ARHGEF2: variants seen among roughly 807,000 people sequenced by gnomAD.
The protein encoded by ARHGEF2 is rho guanine nucleotide exchange factor 2.
Under a neutral mutation model 121.0 loss-of-function variants are expected in ARHGEF2, and 22 were observed. The observed-to-expected ratio is 0.18, with a 90% CI of 0.13 to 0.26. The LOEUF is 0.26. ARHGEF2 is among the 10% of genes least tolerant of loss of function. ARHGEF2 has a pLI of 1.00. For missense variants in ARHGEF2, 907 were observed against 1,336.0 expected (o/e 0.68, Z 5.01); for synonymous variants, 487 against 530.0 (o/e 0.92, Z 1.11).
chr1:155,957,960 C>T, intron 12 of ARHGEF2, 78 bp from the exon 13 acceptor site: 7 of 1,456,128 alleles, frequency 4.8e-6, no homozygotes, highest in African/African-American at 1.4e-5. Context: ...TCCTTCTGGA[C>T]GAGGACTGAA....
Position 155,950,622 on chromosome 1 carries a change from C to A in ARHGEF2, c.2704-140G>T. Reference sequence around the variant, plus strand: ...CTTCAGGAGATCCACCACCAACTGGCCTCTTTCAGCACCACGACCCGAGTT... The same window carrying A: ...CTTCAGGAGATCCACCACCAACTGGACTCTTTCAGCACCACGACCCGAGTT... On this transcript the variant is annotated intron_variant, in intron 20 of 21. Transcript: ENST00000361247. This position sits in a 1 kb window ranked among gnomAD's most constrained non-coding sequence, Gnocchi z 5.2. 9.9e-7 allele frequency: 1 copy of A among 1,009,224 alleles called. No homozygotes were observed. The highest frequency in any genetic ancestry group is 1.5e-6 in the Non-Finnish European group (1 of 685,290). The allele number at this position is 1,009,224 out of a possible 1,614,324, so 62.5% of individuals were successfully genotyped here.
chr1:155,978,210 T>TC lies in ARHGEF2; in HGVS notation c.63+154dup. On this transcript the variant is annotated intron_variant, in intron 1 of 21. Coordinates refer to ENST00000361247, the MANE Select transcript of ARHGEF2 (RefSeq NM_001162383.2). The surrounding 1 kb of genome is among the most constrained non-coding windows in gnomAD (Gnocchi z 4.1). ...CCCACCCCTACCCACTCGCTCGCAGTCCCCACCCACCCCGTCCCGCCGCTC... is the reference window on the plus strand; with the variant it reads ...CCCACCCCTACCCACTCGCTCGCAGTCCCCCACCCACCCCGTCCCGCCGCTC... 4.6e-6 allele frequency: 6 copies of TC among 1,295,510 alleles called. No individual in the cohort carries two copies. Among genetic ancestry groups the TC allele is most frequent in the Non-Finnish European group, 5.9e-6 (6 of 1,008,884 alleles). 80.3% of individuals were successfully genotyped at this position (1,295,510 alleles called of 1,614,324 possible). A position where few individuals can be genotyped will look rare whatever the true frequency, so the allele number is the denominator to read the frequency against.
intron 2 of ARHGEF2, 121 bp from the exon 3 acceptor site, chr1:155,967,008 C>T (rs1428441398): frequency 1.3e-5 from 12 of 911,394 alleles, no homozygotes; most frequent in South Asian, 4.2e-5. Context: ...CCCCCTTCCC[C>T]GACTTCTGGG....
intron 2 of ARHGEF2, chr1:155,968,304 G>A (rs926056517): frequency 6.6e-6 from 1 of 151,594 alleles, no homozygotes; most frequent in Non-Finnish European, 1.5e-5. Context: ...GCCCATCACT[G>A]GTCCTTTCTG....
rs749600621 is a variant in ARHGEF2 at position 155,950,902 on chromosome 1, C to T, written c.2630G>A (p.Arg877His). 28 of 1,589,816 alleles carry T rather than the reference C, an allele frequency of 1.8e-5. No individual in the cohort carries two copies. In the Admixed American group the frequency reaches 2.5e-4, roughly 14 times the overall value. ...EPLPAEAPWA[R>H]RPVDPRRRSL... Reference sequence around the variant, plus strand: ...GCGCCGCCGAGGATCCACAGGTCTGCGGGCCCAGGGGGCCTCAGCTGGGAG... The same window carrying T: ...GCGCCGCCGAGGATCCACAGGTCTGTGGGCCCAGGGGGCCTCAGCTGGGAG... Residue 877 changes from arginine to histidine, a missense_variant, in exon 20 of 22, where the codon CGC becomes CAC. Arg to His is a conservative substitution (Grantham distance 29). Transcript: ENST00000361247. The surrounding 1 kb of genome is among the most constrained non-coding windows in gnomAD (Gnocchi z 5.2).
chr1:155,947,927 G>A lies in ARHGEF2; in HGVS notation c.*15C>T, dbSNP rs567520599. The A allele has an allele frequency of 5.8e-6, 9 of 1,538,732 alleles. No individual in the cohort carries two copies. Among genetic ancestry groups the A allele is most frequent in the African/African-American group, 4.1e-5 (3 of 72,818 alleles). On this transcript the variant is annotated 3_prime_UTR_variant, in exon 22 of 22. Coordinates refer to ENST00000361247, the MANE Select transcript of ARHGEF2 (RefSeq NM_001162383.2). ...TGTTCTTCAGTGGGGCACGGGGCAGGGGGGAGGGGCCCCCTTAGCTCTCGG... is the reference window on the plus strand; with the variant it reads ...TGTTCTTCAGTGGGGCACGGGGCAGAGGGGAGGGGCCCCCTTAGCTCTCGG...
chr1:155,966,288 T>A (rs1341745188), intron 4 of ARHGEF2, 128 bp downstream of exon 4: 4 of 905,738 alleles, frequency 4.4e-6, no homozygotes, highest in Non-Finnish European at 7.0e-6. Flanking sequence ...GCCCCCACTA[T>A]CTGCTTCCAA....
chr1:155,954,013 G>C (rs1676077321), intron 14 of ARHGEF2, among the ~76,000 whole-genome samples: 1 of 152,000 alleles, frequency 6.6e-6, no homozygotes, highest in South Asian at 2.1e-4. Context: ...CCAGACTGGA[G>C]TGCAGTGGTG....
intron 7 of ARHGEF2, among the ~76,000 whole-genome samples, chr1:155,963,722 A>G (rs1334149190): frequency 6.6e-6 from 1 of 151,360 alleles, no homozygotes; most frequent in Non-Finnish European, 1.5e-5. Flanking sequence ...CCCAGGCTGG[A>G]GTGTAGTGGC....
chr1:155,949,637 G>C (rs1674994829), intron 21 of ARHGEF2, among the ~76,000 whole-genome samples: 1 of 151,444 alleles, frequency 6.6e-6, no homozygotes, highest in Non-Finnish European at 1.5e-5. Context: ...CCGACACTCT[G>C]GGAGGCCAAG....
Position 155,962,402 on chromosome 1 carries a change from A to G in ARHGEF2, c.1102-180T>C. The G allele has an allele frequency of 1.9e-6, 2 of 1,045,120 alleles. No individual in the cohort carries two copies. Among genetic ancestry groups the G allele is most frequent in the Non-Finnish European group, 2.8e-6 (2 of 718,496 alleles). The allele number at this position is 1,045,120 out of a possible 1,614,324, so 64.7% of individuals were successfully genotyped here. On this transcript the variant is annotated intron_variant, in intron 9 of 21. Coordinates refer to ENST00000361247, the MANE Select transcript of ARHGEF2 (RefSeq NM_001162383.2). The surrounding 1 kb of genome is among the most constrained non-coding windows in gnomAD (Gnocchi z 5.8). ...GTGAGGACCAACTGAAGGAGCAAAA[A>G]GTACTTGGGAAACTACCACAACGTG...
chr1:155,972,286 G>T, intron 1 of ARHGEF2: 1 of 465,016 alleles, frequency 2.2e-6, no homozygotes. Flanking sequence ...CTCTAGGTGG[G>T]CCAGCAGCGG....
intron 21 of ARHGEF2, among the ~76,000 whole-genome samples, chr1:155,949,087 A>G (rs1363692215): frequency 6.6e-6 from 1 of 151,526 alleles, no homozygotes; most frequent in African/African-American, 2.4e-5. Context: ...ATCTCTACTA[A>G]AAAATACAAA....
In ARHGEF2 at chr1:155,951,552, G is replaced by A. The variant is rs774640195; in HGVS notation, c.2209-19C>T. On this transcript the variant is annotated intron_variant, in intron 18 of 21. Transcript: ENST00000361247. The surrounding 1 kb of genome is among the most constrained non-coding windows in gnomAD (Gnocchi z 5.1). Reference sequence around the variant, plus strand: ...ACGCCTCCTGAGGACAGACAGGGTGGGAACAGGGCCCCAGCTTTAGGATGG... The same window carrying A: ...ACGCCTCCTGAGGACAGACAGGGTGAGAACAGGGCCCCAGCTTTAGGATGG... 8 of 1,614,020 alleles carry A rather than the reference G, an allele frequency of 5.0e-6. No individual in the cohort carries two copies. In the East Asian group the frequency reaches 1.8e-4, roughly 36 times the overall value.
intron 4 of ARHGEF2, among the ~76,000 whole-genome samples, chr1:155,966,160 C>G (rs761914871): frequency 2.0e-5 from 3 of 152,134 alleles, no homozygotes; most frequent in Non-Finnish European, 4.4e-5. Context: ...GTGTAAATAA[C>G]TGATAAAAAT....
At chr1:155,978,932 C>A, upstream of ARHGEF2, 2 of 985,888 alleles carry the variant, frequency 2.0e-6, no homozygotes, top group Middle Eastern at 5.2e-4. The surrounding 1 kb of genome is among the most constrained non-coding windows in gnomAD (Gnocchi z 4.1). Context: ...TAAAGACCCG[C>A]AGGCAGGAGA....
chr1:155,978,651 C>T (rs182767392), upstream of ARHGEF2: 3 of 1,175,320 alleles, frequency 2.6e-6, 1 homozygote, highest in Admixed American at 8.2e-5. The surrounding 1 kb of genome is among the most constrained non-coding windows in gnomAD (Gnocchi z 4.1). Flanking sequence ...GGTGCCCGCG[C>T]GCAGGACGGG....
In ARHGEF2 at chr1:155,978,208, A is replaced by C; in HGVS notation, c.63+157T>G. 3.1e-6 allele frequency: 4 copies of C among 1,277,404 alleles called. No homozygotes were observed. Among genetic ancestry groups the C allele is most frequent in the South Asian group, 1.8e-5 (1 of 55,744 alleles). 79.1% of individuals were successfully genotyped at this position (1,277,404 alleles called of 1,614,324 possible). On this transcript the variant is annotated intron_variant, in intron 1 of 21. Coordinates refer to ENST00000361247, the MANE Select transcript of ARHGEF2 (RefSeq NM_001162383.2). This position sits in a 1 kb window ranked among gnomAD's most constrained non-coding sequence, Gnocchi z 4.1. ...CCCCCACCCCTACCCACTCGCTCGC[A>C]GTCCCCACCCACCCCGTCCCGCCGC...
rs1674525734 is a variant in ARHGEF2 at position 155,946,964 on chromosome 1, C to A, written c.*978G>T. The A allele has an allele frequency of 6.5e-6, 1 of 153,154 alleles. No individual in the cohort carries two copies. Among genetic ancestry groups the A allele is most frequent in the South Asian group, 2.0e-4 (1 of 5,108 alleles). 9.5% of individuals were successfully genotyped at this position (153,154 alleles called of 1,614,324 possible). A position where few individuals can be genotyped will look rare whatever the true frequency, so the allele number is the denominator to read the frequency against. On this transcript the variant is annotated 3_prime_UTR_variant, in exon 22 of 22. Transcript: ENST00000361247. Reference sequence around the variant, plus strand: ...TGGTCGACATTTGGGGGCAAGGGTTCCACTGAAAAATCCCCCAAATTCACG... The same window carrying A: ...TGGTCGACATTTGGGGGCAAGGGTTACACTGAAAAATCCCCCAAATTCACG...
Sources: gnomAD v4.1 joint callset for allele counts (sites outside exome capture counted in the v4.1 genomes callset) on GRCh38, gnomAD v4.1.1 for gene constraint, Gnocchi (gnomAD v3.1) non-coding constraint, MANE v1.5 for transcripts, NCBI Gene and HGNC (gene_info 2026-07-23, HGNC 2026-07-21) for gene names.